KHDRBS2: variants seen among roughly 807,000 people sequenced by gnomAD.
KHDRBS2 encodes KH domain-containing, RNA-binding, signal transduction-associated protein 2.
Under a neutral mutation model 44.3 loss-of-function variants are expected in KHDRBS2, and 26 were observed. The ratio of observed to expected loss-of-function variants is 0.59; its 90% CI spans 0.43 to 0.81. The LOEUF is 0.81. Ranked by LOEUF, KHDRBS2 falls within the 40% of genes least tolerant of loss-of-function variation. The pLI is 0.00. For synonymous variants in KHDRBS2, 194 were observed against 151.1 expected (o/e 1.28, Z -2.08); for missense variants, 476 against 433.1 (o/e 1.10, Z -0.88).
intron 6 of KHDRBS2, among the ~76,000 whole-genome samples, chr6:61,848,005 C>A (rs1794657611): frequency 1.3e-5 from 2 of 151,932 alleles, no homozygotes; most frequent in African/African-American, 2.4e-5. Context: ...TTTTGCATTT[C>A]TCTTCTACTT....
the KHDRBS2 span, among the ~76,000 whole-genome samples, chr6:61,632,534 G>C: frequency 6.6e-6 from 1 of 152,074 alleles, no homozygotes; most frequent in Admixed American, 6.6e-5. Flanking sequence ...AAATAATTTA[G>C]AAATCAAAAA....
At chr6:62,092,808 T>A (rs913428705) in intron 2 of KHDRBS2, among the ~76,000 whole-genome samples, 1 of 152,128 alleles carries the variant, frequency 6.6e-6, no homozygotes, top group African/African-American at 2.4e-5. Flanking sequence ...TTAGGTTAAA[T>A]TAGCAATTAA....
chr6:61,991,699 T>C (rs1004451324), intron 3 of KHDRBS2, among the ~76,000 whole-genome samples: 1 of 152,178 alleles, frequency 6.6e-6, no homozygotes, highest in Admixed American at 6.5e-5. Flanking sequence ...AAATAAATTT[T>C]CAAGGTGGAA....
At chr6:62,220,866 T>A (rs1238464953) in intron 1 of KHDRBS2, among the ~76,000 whole-genome samples, 3 of 151,902 alleles carry the variant, frequency 2.0e-5, no homozygotes, top group African/African-American at 4.8e-5. Context: ...AAAGCTCCAA[T>A]TTAAAGAAAA....
At chr6:61,914,930 A>G (rs1806720454) in intron 4 of KHDRBS2, among the ~76,000 whole-genome samples, 1 of 152,176 alleles carries the variant, frequency 6.6e-6, no homozygotes, top group Non-Finnish European at 1.5e-5. Flanking sequence ...CAATCCAGGT[A>G]GATGTCCATG....
At chr6:62,051,800 C>T (rs573846351) in intron 2 of KHDRBS2, among the ~76,000 whole-genome samples, 1 of 151,880 alleles carries the variant, frequency 6.6e-6, no homozygotes, top group African/African-American at 2.4e-5. Flanking sequence ...GGCAGAAAAA[C>T]CGATTTAAAA....
intron 2 of KHDRBS2, among the ~76,000 whole-genome samples, chr6:62,137,659 T>C (rs1184317218): frequency 6.6e-6 from 1 of 152,184 alleles, no homozygotes; most frequent in African/African-American, 2.4e-5. Context: ...TACCTGAGAC[T>C]ATAAAATCCC....
intron 4 of KHDRBS2, among the ~76,000 whole-genome samples, chr6:61,922,108 A>T (rs1402600429): frequency 2.0e-5 from 3 of 152,056 alleles, no homozygotes; most frequent in South Asian, 4.1e-4. Context: ...TGAAATATTT[A>T]TAATTTCTAA....
At chr6:61,916,787 T>C (rs1807081000) in intron 4 of KHDRBS2, among the ~76,000 whole-genome samples, 1 of 151,498 alleles carries the variant, frequency 6.6e-6, no homozygotes, top group Non-Finnish European at 1.5e-5. Context: ...AAAGTGGTAT[T>C]AGGTCAGACA....
intron 1 of KHDRBS2, among the ~76,000 whole-genome samples, chr6:62,254,638 A>C (rs1451172129): frequency 1.3e-5 from 2 of 152,040 alleles, no homozygotes; most frequent in African/African-American, 4.8e-5. Flanking sequence ...TTAGTCAAGC[A>C]AGAAAGGAAA....
intron 7 of KHDRBS2, among the ~76,000 whole-genome samples, chr6:61,726,984 A>G (rs942686724): frequency 3.3e-5 from 5 of 152,184 alleles, no homozygotes; most frequent in African/African-American, 1.2e-4. Flanking sequence ...AAGCAAAGAG[A>G]ACAAAGCTGG....
chr6:61,545,599 A>G, the KHDRBS2 span, among the ~76,000 whole-genome samples: 1 of 151,876 alleles, frequency 6.6e-6, no homozygotes, highest in Admixed American at 6.6e-5. Flanking sequence ...AAAACAGTAT[A>G]TGTAGCATAC....
In KHDRBS2 at chr6:61,843,161, G is replaced by C. The variant is rs1405655563; in HGVS notation, c.810+51474C>G. Reference sequence around the variant, plus strand: ...ACAAAGACAGAAAGTAGATGGCTAGGGATTGGGGGCGGTGGAGGAGGAATG... The same window carrying C: ...ACAAAGACAGAAAGTAGATGGCTAGCGATTGGGGGCGGTGGAGGAGGAATG... On this transcript the variant is annotated intron_variant, in intron 6 of 8. Transcript: ENST00000281156. Among the ~76,000 whole-genome samples the C allele has an allele frequency of 9.2e-5, 14 of 152,042 alleles. No homozygotes were observed. In the East Asian group the frequency reaches 2.5e-3, roughly 27 times the overall value.
intron 6 of KHDRBS2, among the ~76,000 whole-genome samples, chr6:61,758,440 T>A (rs1778824882): frequency 6.6e-6 from 1 of 152,028 alleles, no homozygotes; most frequent in South Asian, 2.1e-4. Context: ...AGGTTCTTTG[T>A]CAATTTCCAT....
chr6:62,051,267 G>C (rs1480166229), intron 2 of KHDRBS2, among the ~76,000 whole-genome samples: 2 of 151,956 alleles, frequency 1.3e-5, no homozygotes, highest in Admixed American at 6.6e-5. Context: ...TTTTAATTGA[G>C]AATGTGAAAA....
intron 2 of KHDRBS2, among the ~76,000 whole-genome samples, chr6:62,078,531 T>G (rs954833028): frequency 6.6e-6 from 1 of 151,998 alleles, no homozygotes; most frequent in African/African-American, 2.4e-5. Flanking sequence ...ATAAAAATAC[T>G]GATTACTTGA....
At chr6:61,595,257 A>T in the KHDRBS2 span, among the ~76,000 whole-genome samples, 11 of 152,248 alleles carry the variant, frequency 7.2e-5, no homozygotes, top group East Asian at 2.1e-3. Flanking sequence ...TCTCAAAGAA[A>T]TATCTTCAGG....
At chr6:61,665,743 A>C in the KHDRBS2 span, among the ~76,000 whole-genome samples, 1 of 151,338 alleles carries the variant, frequency 6.6e-6, no homozygotes, top group Middle Eastern at 3.8e-3. Context: ...TCTGTGTAAT[A>C]TAAAGAATAC....
At chr6:61,879,070 T>C (rs1169945044) in intron 6 of KHDRBS2, among the ~76,000 whole-genome samples, 1 of 152,006 alleles carries the variant, frequency 6.6e-6, no homozygotes, top group African/African-American at 2.4e-5. Flanking sequence ...TCCTGACTAC[T>C]ATAAAGTTGA....
Sources: allele counts gnomAD v4.1 joint callset (sites outside exome capture counted in the v4.1 genomes callset), GRCh38; gene constraint gnomAD v4.1.1; transcripts MANE v1.5; gene names NCBI Gene and HGNC (gene_info 2026-07-23, HGNC 2026-07-21).